Variants in INTS8 observed in about 807,000 individuals in gnomAD.
INTS8 encodes the protein integrator complex subunit 8.
Under a neutral mutation model 138.9 loss-of-function variants are expected in INTS8, and 47 were observed. That is an observed-to-expected ratio of 0.34 (90% CI 0.27 to 0.43). The LOEUF (loss-of-function observed/expected upper bound fraction) is 0.43, where lower values mean the gene tolerates loss of function less well. Among genes scored for constraint, INTS8 ranks in the 20% least tolerant of loss-of-function variants. The pLI, the probability that INTS8 is intolerant of heterozygous loss-of-function variation, is 1.00. For synonymous variants in INTS8, 392 were observed against 400.9 expected (o/e 0.98, Z 0.27); for missense variants, 996 against 1,173.0 (o/e 0.85, Z 2.20).
At chr8:94,875,922 A>G (rs1361920238) in intron 23 of INTS8, 152 bp from the exon 24 acceptor site, 1 of 623,714 alleles carries the variant, frequency 1.6e-6, no homozygotes, top group Non-Finnish European at 2.9e-6. Context: ...AGACACGTGT[A>G]TAAAGGTTTT....
At chr8:94,833,922 C>T (rs541657993) in intron 6 of INTS8, among the ~76,000 whole-genome samples, 1 of 152,128 alleles carries the variant, frequency 6.6e-6, no homozygotes, top group Non-Finnish European at 1.5e-5. Context: ...CAGGCATGCA[C>T]CACCTCGCCT....
intron 16 of INTS8, among the ~76,000 whole-genome samples, chr8:94,861,907 C>G (rs1816003160): frequency 6.6e-6 from 1 of 151,882 alleles, no homozygotes; most frequent in African/African-American, 2.4e-5. Flanking sequence ...TTGAATTACC[C>G]TTTTCTTTGA....
chr8:94,878,763 C>T (rs1816666838), intron 26 of INTS8, among the ~76,000 whole-genome samples: 1 of 152,206 alleles, frequency 6.6e-6, no homozygotes, highest in African/African-American at 2.4e-5. Flanking sequence ...TTACTTTTCT[C>T]TCAAGAGCCA....
chr8:94,827,141 C>T, intron 2 of INTS8, 122 bp from the exon 3 acceptor site: 2 of 867,262 alleles, frequency 2.3e-6, no homozygotes, highest in Non-Finnish European at 3.6e-6. Context: ...CATTTGATAG[C>T]TAAACCCAGA....
intron 13 of INTS8, among the ~76,000 whole-genome samples, chr8:94,852,718 A>G (rs1477030931): frequency 6.6e-6 from 1 of 151,844 alleles, no homozygotes; most frequent in Non-Finnish European, 1.5e-5. Flanking sequence ...CCTCCCGAGT[A>G]GCTGGGATTA....
intron 26 of INTS8, chr8:94,879,910 ATGGCTC>A: frequency 5.4e-6 from 2 of 370,276 alleles, no homozygotes; most frequent in Non-Finnish European, 9.8e-6. Flanking sequence ...TCCATAAACT[ATGGCTC>A]AGCAGTCCAT....
Position 94,823,343 on chromosome 8 carries a change from G to T in INTS8, c.-89G>T. ...TTCGGAGGGTGGCCTCTCTCCCACCGGGTTCCGCATACCCCAGGCACCGGC... is the reference window on the plus strand; with the variant it reads ...TTCGGAGGGTGGCCTCTCTCCCACCTGGTTCCGCATACCCCAGGCACCGGC... On this transcript the variant is annotated 5_prime_UTR_variant, in exon 1 of 27. Transcript: ENST00000523731. 1 of 1,510,200 alleles carries T rather than the reference G, an allele frequency of 6.6e-7. No homozygotes were observed. The allele number at this position is 1,510,200 out of a possible 1,614,324, so 93.5% of individuals were successfully genotyped here. A position where few individuals can be genotyped will look rare whatever the true frequency, so the allele number is the denominator to read the frequency against.
At chr8:94,846,801 G>T (rs1815349297) in intron 10 of INTS8, among the ~76,000 whole-genome samples, 2 of 152,118 alleles carry the variant, frequency 1.3e-5, no homozygotes, top group African/African-American at 4.8e-5. Flanking sequence ...TTAAAATAAC[G>T]AATTATTTTT....
chr8:94,859,716 C>A, intron 16 of INTS8, 84 bp downstream of exon 16: 1 of 1,107,606 alleles, frequency 9.0e-7, no homozygotes. Context: ...GGGAACTTGT[C>A]TAATTTCTGT....
chr8:94,834,532 A>G (rs1193447345), intron 6 of INTS8, among the ~76,000 whole-genome samples: 1 of 151,966 alleles, frequency 6.6e-6, no homozygotes, highest in African/African-American at 2.4e-5. Flanking sequence ...ACGTGGCAAA[A>G]TCCTGTTTCT....
intron 10 of INTS8, among the ~76,000 whole-genome samples, chr8:94,848,945 T>C (rs535158473): frequency 6.6e-6 from 1 of 152,230 alleles, no homozygotes; most frequent in South Asian, 2.1e-4. Flanking sequence ...ATAACTAATA[T>C]GACCATAACT....
Position 94,830,759 on chromosome 8 carries a change from A to G in INTS8, c.571-1233A>G, listed in dbSNP as rs1479716904. ...GCGATCCACCCACTTCGGACCCCCAAAGTGCTGGTATTACATATATGAGTC... is the reference window on the plus strand; with the variant it reads ...GCGATCCACCCACTTCGGACCCCCAGAGTGCTGGTATTACATATATGAGTC... On this transcript the variant is annotated intron_variant, in intron 5 of 26. Transcript: ENST00000523731. Among the ~76,000 whole-genome samples, 7 of 152,146 alleles carry G rather than the reference A, an allele frequency of 4.6e-5. No homozygotes were observed. In the East Asian group the frequency reaches 9.6e-4, roughly 21 times the overall value.
chr8:94,825,190 A>G (rs1208095440), intron 2 of INTS8, 123 bp downstream of exon 2: 3 of 634,906 alleles, frequency 4.7e-6, no homozygotes, highest in Non-Finnish European at 7.8e-6. Context: ...GCTCACGCCT[A>G]TAATAATCCC....
intron 20 of INTS8, 142 bp from the exon 21 acceptor site, chr8:94,871,742 A>G (rs1816404646): frequency 1.7e-6 from 1 of 594,916 alleles, no homozygotes; most frequent in African/African-American, 1.9e-5. Flanking sequence ...GATAGTTCTT[A>G]TAATACATTT....
rs553950489 is a variant in INTS8 at position 94,829,126 on chromosome 8, A to G, written c.570+100A>G. 3.5e-4 allele frequency: 285 copies of G among 814,616 alleles called. 1 individual carries two copies. In the African/African-American group the frequency reaches 4.1e-3, roughly 12 times the overall value. The allele number at this position is 814,616 out of a possible 1,614,324, so 50.5% of individuals were successfully genotyped here. On this transcript the variant is annotated intron_variant, in intron 5 of 26. Transcript: ENST00000523731. ...CCAGGGACTGGTTTTGTGGAAGGCAATTTCCAGGAAACTGGATGTGGTGTG... is the reference window on the plus strand; with the variant it reads ...CCAGGGACTGGTTTTGTGGAAGGCAGTTTCCAGGAAACTGGATGTGGTGTG...
chr8:94,855,739 A>T (rs1488000304), intron 14 of INTS8, among the ~76,000 whole-genome samples: 1 of 152,204 alleles, frequency 6.6e-6, no homozygotes, highest in Non-Finnish European at 1.5e-5. Flanking sequence ...AATATTTAGG[A>T]GGTAAAATCT....
At chr8:94,848,012 G>GTTTTTTTTTTTTTTTTTT (rs1169477857) in intron 10 of INTS8, among the ~76,000 whole-genome samples, 5 of 120,062 alleles carry the variant, frequency 4.2e-5, no homozygotes, top group Non-Finnish European at 5.6e-5. Flanking sequence ...TTAAAACACT[G>GTTTTTTTTTTTTTTTTTT]CTTTTTTTTT....
rs1298915936 is a variant in INTS8, at chr8:94,874,617, T to A, written c.2688+15T>A. ...GCCACACACAGGTTAGTTTATAATA[T>A]TATGAAGTTGTTTTATTTTTACATA... On this transcript the variant is annotated intron_variant, in intron 23 of 26. Coordinates refer to ENST00000523731, the MANE Select transcript of INTS8 (RefSeq NM_017864.4). The A allele has an allele frequency of 6.8e-7, 1 of 1,470,530 alleles. No individual in the cohort carries two copies. The highest frequency in any genetic ancestry group is 1.2e-5 in the South Asian group (1 of 86,614). 91.1% of individuals were successfully genotyped at this position (1,470,530 alleles called of 1,614,324 possible). A position where few individuals can be genotyped will look rare whatever the true frequency, so the allele number is the denominator to read the frequency against.
rs753971544 is a variant in INTS8, at chr8:94,876,439, T to A, written c.2828-7T>A. On this transcript the variant is annotated splice_polypyrimidine_tract_variant and splice_region_variant and intron_variant, in intron 25 of 26. Transcript: ENST00000523731. ...ATCAGATTTATTTTCCTTAACTGAT[T>A]CATTAGATCTTCATCATAAAAGAGG... 1.3e-6 allele frequency: 2 copies of A among 1,517,460 alleles called. No individual in the cohort carries two copies. The highest frequency in any genetic ancestry group is 1.4e-5 in the African/African-American group (1 of 72,656). The allele number at this position is 1,517,460 out of a possible 1,614,324, so 94.0% of individuals were successfully genotyped here. A position where few individuals can be genotyped will look rare whatever the true frequency, so the allele number is the denominator to read the frequency against.
Sources: gnomAD v4.1 joint callset for allele counts (sites outside exome capture counted in the v4.1 genomes callset) on GRCh38, gnomAD v4.1.1 for gene constraint, MANE v1.5 for transcripts, NCBI Gene and HGNC (gene_info 2026-07-23, HGNC 2026-07-21) for gene names.